Variants in SPON2 observed in about 807,000 individuals in gnomAD.
SPON2 encodes spondin 2.
Under a neutral mutation model 29.9 loss-of-function variants are expected in SPON2, and 32 were observed. That is an observed-to-expected ratio of 1.07 (90% CI 0.81 to 1.44). SPON2 has a LOEUF of 1.44. SPON2 is among the 40% of genes most tolerant of loss of function. SPON2 has a pLI of 0.00. For synonymous variants in SPON2, 248 were observed against 209.1 expected (o/e 1.19, Z -1.61); for missense variants, 541 against 455.5 (o/e 1.19, Z -1.71).
At chr4:1,173,432 T>G (rs997461738), upstream of SPON2, among the ~76,000 whole-genome samples, 1 of 152,192 alleles carries the variant, frequency 6.6e-6, no homozygotes, top group African/African-American at 2.4e-5. Context: ...GGGCTGGGGC[T>G]GCAGGCCGGC....
intron 1 of SPON2, among the ~76,000 whole-genome samples, chr4:1,190,353 T>C (rs150725668): frequency 6.6e-6 from 1 of 151,886 alleles, no homozygotes; most frequent in African/African-American, 2.4e-5. Context: ...GCTTCCCTGG[T>C]GAATTTTACC....
At chr4:1,183,250 A>AAC (rs1553830373) in intron 1 of SPON2, among the ~76,000 whole-genome samples, 1 of 151,086 alleles carries the variant, frequency 6.6e-6, no homozygotes, top group African/African-American at 2.4e-5. Flanking sequence ...CAAAAAAAAA[A>AAC]AAAAACAAAA....
At chr4:1,179,170 C>T (rs1398181479) in intron 2 of SPON2, among the ~76,000 whole-genome samples, 1 of 151,276 alleles carries the variant, frequency 6.6e-6, no homozygotes, top group African/African-American at 2.4e-5. Flanking sequence ...TGAGTGGGGA[C>T]CTTGCCCGGC....
chr4:1,177,860 C>T (rs1042915128), upstream of SPON2, among the ~76,000 whole-genome samples: 6 of 152,168 alleles, frequency 3.9e-5, no homozygotes, highest in Non-Finnish European at 5.9e-5. Context: ...TACCCACCCA[C>T]GGGAGCGGCC....
At chr4:1,188,788 CAA>C (rs1295090255) in intron 1 of SPON2, among the ~76,000 whole-genome samples, 2 of 152,034 alleles carry the variant, frequency 1.3e-5, no homozygotes, top group African/African-American at 2.4e-5. Context: ...GACAGAAAAT[CAA>C]AAGTCAGTAG....
intron 1 of SPON2, among the ~76,000 whole-genome samples, chr4:1,185,237 ATTTC>A (rs1165508517): frequency 6.6e-6 from 1 of 151,324 alleles, no homozygotes; most frequent in Non-Finnish European, 1.5e-5. Context: ...CCCCTGGCTA[ATTTC>A]TTTTTTGTAT....
Position 1,167,344 on chromosome 4 carries a change from G to T in SPON2, c.*128C>A. On this transcript the variant is annotated 3_prime_UTR_variant, in exon 6 of 6. Coordinates refer to ENST00000290902, the MANE Select transcript of SPON2 (RefSeq NM_012445.4). ...GCCCTTCAGTGCAGAGATGGTCGGC[G>T]CGGCCTCACCGCGGTCAGGAGCAGC... 1 of 967,316 alleles carries T rather than the reference G, an allele frequency of 1.0e-6. No homozygotes were observed. The highest frequency in any genetic ancestry group is 1.7e-5 in the South Asian group (1 of 60,436). The allele number at this position is 967,316 out of a possible 1,614,324, so 59.9% of individuals were successfully genotyped here. A position where few individuals can be genotyped will look rare whatever the true frequency, so the allele number is the denominator to read the frequency against.
intron 1 of SPON2, among the ~76,000 whole-genome samples, chr4:1,184,325 C>T (rs1188736371): frequency 6.6e-6 from 1 of 152,150 alleles, no homozygotes; most frequent in East Asian, 1.9e-4. Flanking sequence ...CAGAGATTGG[C>T]AGAATGAATA....
intron 2 of SPON2, 74 bp downstream of exon 2, chr4:1,171,778 G>A (rs1560202156): frequency 3.9e-6 from 4 of 1,038,686 alleles, no homozygotes; most frequent in East Asian, 2.4e-5. Context: ...AAGCGCCGCC[G>A]TGCAGCTGTG....
chr4:1,208,353 CA>C (rs1728398503), upstream of SPON2: 1 of 152,264 alleles, frequency 6.6e-6, no homozygotes, highest in Non-Finnish European at 1.5e-5. Context: ...CTGCTTGGGC[CA>C]CCCCAGAGGG....
upstream of SPON2, among the ~76,000 whole-genome samples, chr4:1,174,885 A>G (rs1560204009): frequency 6.6e-6 from 1 of 152,200 alleles, no homozygotes; most frequent in Non-Finnish European, 1.5e-5. Flanking sequence ...TGCGTATGTT[A>G]CCAGCCTTGT....
chr4:1,195,496 G>A (rs535056540), upstream of SPON2, among the ~76,000 whole-genome samples: 2 of 147,914 alleles, frequency 1.4e-5, no homozygotes, highest in Non-Finnish European at 3.0e-5. Context: ...ACCTCCCCCC[G>A]CCTCTCCAGG....
At position 1,167,506 on chromosome 4, in the gene SPON2, T is replaced by C; in HGVS notation, c.962A>G (p.Glu321Gly). 1 of 1,613,788 alleles carries C rather than the reference T, an allele frequency of 6.2e-7. No homozygotes were observed. Among genetic ancestry groups the C allele is most frequent in the Non-Finnish European group, 8.5e-7 (1 of 1,179,976 alleles). ...NNGSPCPELE[E>G]EAECVPDNCV ...GTTATCAGGGACGCACTCAGCCTCT[T>C]CTTCGAGCTCGGGGCAGGGGCTCCC... is the stretch of plus-strand genomic sequence containing the variant. The change falls in exon 6 of 6, where the codon GAA (glutamate) becomes GGA (glycine). Residue 321 changes from glutamate (E) to glycine (G), a missense_variant. Glu to Gly is a moderately conservative substitution (Grantham distance 98). Coordinates refer to ENST00000290902, the MANE Select transcript of SPON2 (RefSeq NM_012445.4).
chr4:1,191,427 G>T (rs922471451), intron 1 of SPON2, among the ~76,000 whole-genome samples: 1 of 152,132 alleles, frequency 6.6e-6, no homozygotes, highest in Non-Finnish European at 1.5e-5. Flanking sequence ...AAGGTATTTG[G>T]ACTCCTACCT....
In SPON2 at chr4:1,167,534, T is replaced by G; in HGVS notation, c.934A>C (p.Asn312His). ...TRYVRVQPAN[N>H]GSPCPELEEE... The stretch of plus-strand genomic sequence containing the variant: ...TCGAGCTCGGGGCAGGGGCTCCCGT[T>G]GTTGGCGGGCTGGACCCGGACGTAG... Residue 312 changes from asparagine (N) to histidine (H), a missense_variant, in exon 6 of 6, where the codon AAC (asparagine) becomes CAC (histidine). By Grantham distance (68) the Asn-to-His change is moderately conservative. Transcript: ENST00000290902. The G allele has an allele frequency of 6.2e-7, 1 of 1,613,774 alleles. No individual in the cohort carries two copies. Among genetic ancestry groups the G allele is most frequent in the Non-Finnish European group, 8.5e-7 (1 of 1,180,008 alleles).
chr4:1,205,823 G>A (rs953579608), intron 1 of SPON2, among the ~76,000 whole-genome samples: 3 of 152,166 alleles, frequency 2.0e-5, no homozygotes, highest in Non-Finnish European at 2.9e-5. Flanking sequence ...GCAGGCCCTC[G>A]GCTGACAAAC....
At chr4:1,201,850 T>C (rs1274535540) in intron 1 of SPON2, among the ~76,000 whole-genome samples, 1 of 152,200 alleles carries the variant, frequency 6.6e-6, no homozygotes, top group African/African-American at 2.4e-5. Context: ...CCCAAAGTGC[T>C]GGGATTACAG....
intron 1 of SPON2, chr4:1,201,170 C>A (rs1393749726): frequency 2.2e-6 from 1 of 453,248 alleles, no homozygotes; most frequent in South Asian, 1.6e-5. Context: ...AATGCAGGTG[C>A]CCCAGTTCCT....
intron 2 of SPON2, among the ~76,000 whole-genome samples, chr4:1,178,315 A>G (rs1413026709): frequency 1.3e-5 from 2 of 152,052 alleles, no homozygotes; most frequent in South Asian, 2.1e-4. Flanking sequence ...GGCTCTGCAC[A>G]TATCTGCTTT....
Sources: gnomAD v4.1 joint callset for allele counts (sites outside exome capture counted in the v4.1 genomes callset) on GRCh38, gnomAD v4.1.1 for gene constraint, MANE v1.5 for transcripts, NCBI Gene and HGNC (gene_info 2026-07-23, HGNC 2026-07-21) for gene names.